The following CHSY3 variants were observed in gnomAD, a reference collection of about 807,000 sequenced individuals.
The protein encoded by CHSY3 is chondroitin sulfate synthase 3, also known as N-acetylgalactosaminyl-proteoglycan 3-beta-glucuronosyltransferase 3.
A neutral mutation model predicts 67.2 loss-of-function variants in CHSY3; 35 were observed. The observed-to-expected ratio is 0.52, with a 90% CI of 0.40 to 0.69. CHSY3 has a LOEUF of 0.69. CHSY3 is among the 30% of genes least tolerant of loss of function. The pLI, the probability that CHSY3 is intolerant of heterozygous loss-of-function variation, is 0.00. For synonymous variants in CHSY3, 474 were observed against 434.7 expected, an observed-to-expected ratio of 1.09 and a Z score of -1.12; for missense variants, 1,069 against 1,138.5, an observed-to-expected ratio of 0.94 and a Z score of 0.88.
chr5:130,178,860 T>G (rs1391227371), intron 2 of CHSY3, among the ~76,000 whole-genome samples: 1 of 152,252 alleles, frequency 6.6e-6, no homozygotes, highest in African/African-American at 2.4e-5. Context: ...ACAATCTGAC[T>G]GATTATTTTC....
chr5:129,908,307 G>T lies in CHSY3; in HGVS notation c.1033G>T (p.Val345Leu), dbSNP rs759731239. 3.7e-6 allele frequency: 6 copies of T among 1,614,128 alleles called. No homozygotes were observed. Among genetic ancestry groups the T allele is most frequent in the Non-Finnish European group, 5.1e-6 (6 of 1,179,970 alleles). The change falls in exon 2 of 3, where the codon GTA becomes TTA. Residue 345 changes from valine to leucine, a missense_variant. Around this residue, in one of 5 missense-constraint regions of CHSY3, gnomAD observed 216 missense variants for 311.5 expected, o/e 0.69. Transcript: ENST00000305031. ...EMYTTHEDVE[V>L]GRCVRRFGGT... is the part of the protein sequence containing the mutation. ...GTACACGACTCATGAGGATGTGGAAGTAGGAAGATGCGTTCGCCGTTTTGG... is the reference window on the plus strand; with the variant it reads ...GTACACGACTCATGAGGATGTGGAATTAGGAAGATGCGTTCGCCGTTTTGG...
intron 2 of CHSY3, among the ~76,000 whole-genome samples, chr5:129,982,024 C>T (rs927138733): frequency 6.6e-6 from 1 of 152,056 alleles, no homozygotes; most frequent in East Asian, 1.9e-4. Context: ...GTTGAACCAG[C>T]CTTGCATGCC....
chr5:129,980,108 C>G (rs1354056055), intron 2 of CHSY3, among the ~76,000 whole-genome samples: 1 of 152,172 alleles, frequency 6.6e-6, no homozygotes, highest in Non-Finnish European at 1.5e-5. Context: ...AGGGTAAATA[C>G]TACAAAGTGT....
At chr5:130,134,003 G>T (rs921887079) in intron 2 of CHSY3, among the ~76,000 whole-genome samples, 1 of 151,966 alleles carries the variant, frequency 6.6e-6, no homozygotes, top group Non-Finnish European at 1.5e-5. Flanking sequence ...AATATTAATT[G>T]TATTTTCTTG....
intron 2 of CHSY3, among the ~76,000 whole-genome samples, chr5:129,964,862 G>A (rs961735735): frequency 2.2e-4 from 33 of 151,834 alleles, no homozygotes; most frequent in African/African-American, 7.7e-4. Context: ...CACTTTTAGA[G>A]CTATGACTGA....
At chr5:130,038,488 T>C (rs577790225) in intron 2 of CHSY3, among the ~76,000 whole-genome samples, 1 of 152,134 alleles carries the variant, frequency 6.6e-6, no homozygotes, top group Non-Finnish European at 1.5e-5. Context: ...CATCAGTTTG[T>C]ATTTAACCAA....
chr5:130,001,583 A>G (rs115512635), intron 2 of CHSY3: 11,919 of 830,212 alleles, frequency 0.014, 110 homozygotes, highest in South Asian at 0.026. Flanking sequence ...TTCCAAAAGA[A>G]TAGTACTACA....
intron 2 of CHSY3, among the ~76,000 whole-genome samples, chr5:129,938,805 C>T (rs929289080): frequency 5.3e-5 from 8 of 152,162 alleles, no homozygotes; most frequent in Admixed American, 6.5e-5. Context: ...TAATTTAACA[C>T]GTCTCTAGGA....
At chr5:130,128,710 G>A in intron 2 of CHSY3, among the ~76,000 whole-genome samples, 1 of 152,084 alleles carries the variant, frequency 6.6e-6, no homozygotes, top group East Asian at 1.9e-4. Context: ...AATTTGGGGA[G>A]GTCATACATA....
chr5:130,033,471 C>A (rs1764758503), intron 2 of CHSY3, among the ~76,000 whole-genome samples: 2 of 152,082 alleles, frequency 1.3e-5, no homozygotes, highest in African/African-American at 4.8e-5. Context: ...ATTACTGATT[C>A]TCATGAAACT....
At chr5:130,131,228 T>C (rs1276783205) in intron 2 of CHSY3, among the ~76,000 whole-genome samples, 2 of 152,184 alleles carry the variant, frequency 1.3e-5, no homozygotes, top group Non-Finnish European at 2.9e-5. Context: ...TCTTGGATTC[T>C]TCTCTTTCTC....
chr5:129,979,897 G>A (rs1762932976), intron 2 of CHSY3, among the ~76,000 whole-genome samples: 1 of 152,100 alleles, frequency 6.6e-6, no homozygotes, highest in South Asian at 2.1e-4. Context: ...GTGCATTTAA[G>A]ATTCTCCTAT....
At chr5:130,043,601 C>G (rs1016332298) in intron 2 of CHSY3, among the ~76,000 whole-genome samples, 1 of 152,122 alleles carries the variant, frequency 6.6e-6, no homozygotes, top group Non-Finnish European at 1.5e-5. Flanking sequence ...GTCCACAATC[C>G]TAAATGTAGG....
intron 2 of CHSY3, among the ~76,000 whole-genome samples, chr5:130,048,877 G>C (rs1043587574): frequency 4.6e-5 from 7 of 152,054 alleles, no homozygotes; most frequent in African/African-American, 1.7e-4. Context: ...CAAAATTTCA[G>C]TTAGACAGGA....
At chr5:129,919,943 T>A (rs952657336) in intron 2 of CHSY3, among the ~76,000 whole-genome samples, 7 of 152,168 alleles carry the variant, frequency 4.6e-5, no homozygotes, top group African/African-American at 9.7e-5. Context: ...TATTTGACAA[T>A]TTTTTCTGAA....
intron 2 of CHSY3, among the ~76,000 whole-genome samples, chr5:130,056,439 T>G (rs756029675): frequency 2.6e-5 from 4 of 152,228 alleles, no homozygotes; most frequent in Non-Finnish European, 5.9e-5. Context: ...TAGAATACTG[T>G]GGGCTGTTAA....
chr5:130,094,196 A>C (rs191121623), intron 2 of CHSY3, among the ~76,000 whole-genome samples: 2 of 152,132 alleles, frequency 1.3e-5, no homozygotes, highest in African/African-American at 4.8e-5. Context: ...TGGTATTTTC[A>C]TTCCTTTTCA....
intron 2 of CHSY3, among the ~76,000 whole-genome samples, chr5:130,020,459 ATATTTTTTT>A (rs1227948861): frequency 4.3e-3 from 215 of 49,614 alleles, no homozygotes; most frequent in African/African-American, 0.021. Flanking sequence ...ATATATATAT[ATATTTTTTT>A]TTTTTTTTTT....
chr5:130,073,687 A>G (rs1766161132), intron 2 of CHSY3, among the ~76,000 whole-genome samples: 1 of 152,020 alleles, frequency 6.6e-6, no homozygotes, highest in Non-Finnish European at 1.5e-5. Flanking sequence ...CACCTAGCCA[A>G]AAATAAATTT....
Sources: gnomAD v4.1 joint callset for allele counts (sites outside exome capture counted in the v4.1 genomes callset) on GRCh38, gnomAD v4.1.1 for gene constraint, gnomAD v4.1.1 regional missense constraint, MANE v1.5 for transcripts, NCBI Gene and HGNC (gene_info 2026-07-23, HGNC 2026-07-21) for gene names.